The following MYO3B variants were observed in gnomAD, a reference collection of about 807,000 sequenced individuals.
MYO3B encodes the protein myosin-IIIb.
A neutral mutation model predicts 174.6 loss-of-function variants in MYO3B; 156 were observed. The ratio of observed to expected loss-of-function variants is 0.89; its 90% CI spans 0.78 to 1.02. MYO3B has a LOEUF of 1.02. Ranked by LOEUF, MYO3B falls within the 50% of genes least tolerant of loss-of-function variation. The pLI, the probability that MYO3B is intolerant of heterozygous loss-of-function variation, is 0.00. For synonymous variants in MYO3B, 563 were observed against 569.1 expected (o/e 0.99, Z 0.15); for missense variants, 1,632 against 1,639.4 (o/e 1.00, Z 0.08).
intron 9 of MYO3B, among the ~76,000 whole-genome samples, chr2:170,378,776 A>T (rs1032089866): frequency 2.0e-5 from 3 of 152,184 alleles, no homozygotes; most frequent in Non-Finnish European, 4.4e-5. Context: ...TTCCATTTTT[A>T]GTTGGCTATA....
chr2:170,199,232 C>A lies in MYO3B; in HGVS notation c.27C>A (p.His9Gln), dbSNP rs376382053. ...GGAAACATCTGTATGGATTATTTCA[C>A]TATAATCCTATGATGCTTGGACTTG... MKHLYGLF[H>Q]YNPMMLGLES... The change falls in exon 2 of 35, where the codon CAC becomes CAA. Residue 9 changes from histidine (H) to glutamine (Q), a missense_variant. His to Gln is a conservative substitution (Grantham distance 24, BLOSUM62 0). Coordinates refer to ENST00000408978, the MANE Select transcript of MYO3B (RefSeq NM_138995.5). 6.8e-6 allele frequency: 11 copies of A among 1,612,510 alleles called. No homozygotes were observed. Among genetic ancestry groups the A allele is most frequent in the Non-Finnish European group, 8.5e-6 (10 of 1,179,198 alleles).
At chr2:170,595,935 TAGTG>T (rs778205082) in intron 32 of MYO3B, among the ~76,000 whole-genome samples, 8 of 152,238 alleles carry the variant, frequency 5.3e-5, no homozygotes, top group Non-Finnish European at 1.0e-4. Context: ...AGTTGCATCT[TAGTG>T]AGGACCTTTT....
intron 7 of MYO3B, among the ~76,000 whole-genome samples, chr2:170,304,390 T>A (rs1217432858): frequency 6.6e-6 from 1 of 152,084 alleles, no homozygotes; most frequent in Non-Finnish European, 1.5e-5. Flanking sequence ...TAATTCTATA[T>A]ATTTCAGGCC....
intron 30 of MYO3B, among the ~76,000 whole-genome samples, chr2:170,534,265 C>T (rs189576785): frequency 3.5e-3 from 540 of 152,262 alleles, no homozygotes; most frequent in African/African-American, 0.012. Flanking sequence ...AGACATAAGG[C>T]TGTTGCACAC....
intron 21 of MYO3B, among the ~76,000 whole-genome samples, chr2:170,406,272 C>T (rs1371282887): frequency 6.6e-6 from 1 of 152,166 alleles, no homozygotes; most frequent in African/African-American, 2.4e-5. Context: ...ATTGGTTCCT[C>T]TGGGCTCTGC....
At chr2:170,494,145 A>G (rs1217441385) in intron 25 of MYO3B, among the ~76,000 whole-genome samples, 4 of 152,262 alleles carry the variant, frequency 2.6e-5, no homozygotes, top group Non-Finnish European at 5.9e-5. Flanking sequence ...AGATCCTTCC[A>G]GTTTATGATT....
intron 28 of MYO3B, among the ~76,000 whole-genome samples, 195 bp downstream of exon 28, chr2:170,502,060 G>C (rs1687307725): frequency 2.0e-5 from 3 of 152,208 alleles, no homozygotes; most frequent in Non-Finnish European, 4.4e-5. Flanking sequence ...AGCATTTGCT[G>C]TTTGCCACAC....
chr2:170,180,762 A>G (rs995481671), intron 1 of MYO3B, among the ~76,000 whole-genome samples: 5 of 152,202 alleles, frequency 3.3e-5, no homozygotes, highest in African/African-American at 1.2e-4. Flanking sequence ...GGAAAAATGT[A>G]TATAAGGATA....
chr2:170,529,041 A>G (rs1431013308), intron 30 of MYO3B, among the ~76,000 whole-genome samples: 1 of 152,228 alleles, frequency 6.6e-6, no homozygotes, highest in Non-Finnish European at 1.5e-5. Context: ...ATTCCAAAAA[A>G]TTGCTGTTTA....
At chr2:170,306,056 T>C (rs1329229283) in intron 7 of MYO3B, among the ~76,000 whole-genome samples, 5 of 152,178 alleles carry the variant, frequency 3.3e-5, no homozygotes, top group Non-Finnish European at 7.3e-5. Flanking sequence ...ACTGGGTCCA[T>C]GGTGGTTTCA....
At chr2:170,486,999 A>G (rs1429603311) in intron 25 of MYO3B, among the ~76,000 whole-genome samples, 1 of 152,154 alleles carries the variant, frequency 6.6e-6, no homozygotes, top group Non-Finnish European at 1.5e-5. Context: ...TCACTGTAGG[A>G]GTTTATTAAA....
intron 22 of MYO3B, among the ~76,000 whole-genome samples, chr2:170,430,593 A>G (rs1406536842): frequency 1.3e-5 from 2 of 152,020 alleles, no homozygotes; most frequent in African/African-American, 2.4e-5. Flanking sequence ...GCTGGTCTTG[A>G]ACTCTTAACC....
chr2:170,579,561 T>C (rs1305498257), intron 32 of MYO3B, among the ~76,000 whole-genome samples: 1 of 152,226 alleles, frequency 6.6e-6, no homozygotes, highest in African/African-American at 2.4e-5. Context: ...ACTAAATGTG[T>C]AGGCAGAAGC....
intron 30 of MYO3B, among the ~76,000 whole-genome samples, chr2:170,536,833 A>C (rs777712891): frequency 6.6e-6 from 1 of 152,200 alleles, no homozygotes; most frequent in Non-Finnish European, 1.5e-5. Flanking sequence ...AATAACTTCC[A>C]TAATGAAAGT....
intron 7 of MYO3B, among the ~76,000 whole-genome samples, chr2:170,332,530 C>G (rs933248004): frequency 1.3e-5 from 2 of 152,104 alleles, no homozygotes; most frequent in Non-Finnish European, 2.9e-5. Flanking sequence ...CAAAGTATTG[C>G]GAAGTCTTCA....
intron 8 of MYO3B, among the ~76,000 whole-genome samples, chr2:170,365,050 T>C (rs753123874): frequency 6.6e-6 from 1 of 152,198 alleles, no homozygotes; most frequent in Admixed American, 6.6e-5. Flanking sequence ...GTTCCAAAAC[T>C]TCCCCCAAGA....
At chr2:170,496,039 C>T (rs866561272) in intron 25 of MYO3B, among the ~76,000 whole-genome samples, 2 of 152,142 alleles carry the variant, frequency 1.3e-5, no homozygotes. Flanking sequence ...CACTTAGCTC[C>T]GGAAGATATC....
intron 25 of MYO3B, among the ~76,000 whole-genome samples, chr2:170,467,815 C>A (rs201360218): frequency 0.014 from 1,572 of 109,300 alleles, no homozygotes; most frequent in Non-Finnish European, 0.016. Flanking sequence ...AAAGATAAGG[C>A]AAAAAAAAAA....
intron 7 of MYO3B, among the ~76,000 whole-genome samples, chr2:170,293,040 G>C (rs541447282): frequency 2.0e-5 from 3 of 152,100 alleles, no homozygotes; most frequent in African/African-American, 4.8e-5. Flanking sequence ...GCACCATGAG[G>C]GGGAGAGGCC....
Sources: allele counts gnomAD v4.1 joint callset (sites outside exome capture counted in the v4.1 genomes callset), GRCh38; gene constraint gnomAD v4.1.1; transcripts MANE v1.5; gene names NCBI Gene and HGNC (gene_info 2026-07-23, HGNC 2026-07-21).